Variants in DAB1 observed in about 807,000 individuals in gnomAD.
DAB1 encodes disabled homolog 1.
In DAB1, 15 loss-of-function variants were observed where a neutral mutation model predicts 64.6. That is an observed-to-expected ratio of 0.23 (90% CI 0.16 to 0.36). The LOEUF (loss-of-function observed/expected upper bound fraction) is 0.36, where lower values mean the gene tolerates loss of function less well. Ranked by LOEUF, DAB1 falls within the 10% of genes least tolerant of loss-of-function variation. The pLI, the probability that DAB1 is intolerant of heterozygous loss-of-function variation, is 1.00. For missense variants in DAB1, 596 were observed against 706.7 expected, an observed-to-expected ratio of 0.84 and a Z score of 1.78; for synonymous variants, 235 against 251.9, an observed-to-expected ratio of 0.93 and a Z score of 0.64.
At chr1:57,384,162 T>C (rs975373023) in intron 1 of DAB1, among the ~76,000 whole-genome samples, 5 of 152,058 alleles carry the variant, frequency 3.3e-5, no homozygotes, top group Non-Finnish European at 5.9e-5. Context: ...CACCAATCAT[T>C]AGGAAAATGC....
At chr1:57,107,607 C>T (rs932876689) in intron 4 of DAB1, among the ~76,000 whole-genome samples, 3 of 151,904 alleles carry the variant, frequency 2.0e-5, no homozygotes, top group African/African-American at 7.3e-5. Context: ...TCAGTCCAGA[C>T]CAGAACTGAG....
intron 5 of DAB1, among the ~76,000 whole-genome samples, chr1:57,965,556 T>G (rs1645644085): frequency 6.6e-6 from 1 of 152,164 alleles, no homozygotes; most frequent in Admixed American, 6.6e-5. Context: ...AGGTTATTGA[T>G]TATGATTTCC....
chr1:56,998,880 G>A (rs1486114367), intron 14 of DAB1, among the ~76,000 whole-genome samples: 1 of 152,138 alleles, frequency 6.6e-6, no homozygotes, highest in Non-Finnish European at 1.5e-5. Flanking sequence ...AGGAAACAGC[G>A]TTCGGCCCTA....
At chr1:58,099,006 A>T (rs1216466069) in intron 5 of DAB1, among the ~76,000 whole-genome samples, 1 of 152,192 alleles carries the variant, frequency 6.6e-6, no homozygotes, top group East Asian at 1.9e-4. Flanking sequence ...GGGCAAATGG[A>T]AGAGATCCAG....
chr1:57,084,789 T>C (rs1256037178), intron 4 of DAB1, among the ~76,000 whole-genome samples: 1 of 152,116 alleles, frequency 6.6e-6, no homozygotes, highest in Admixed American at 6.5e-5. Context: ...TGTAGTGCAG[T>C]GCCATGCAAT....
rs142041044 is a variant in DAB1 at position 57,038,221 on chromosome 1, T to C, written c.724-12178A>G. Among the ~76,000 whole-genome samples, 366 of 152,362 alleles carry C rather than the reference T, an allele frequency of 2.4e-3. 1 individual carries two copies. The highest frequency in any genetic ancestry group is 6.8e-3 in the Middle Eastern group (2 of 294). On this transcript the variant is annotated intron_variant, in intron 9 of 14. Transcript: ENST00000371236. ...TGACTGGAAGATGTCTGTGGGAGAATTGATTTTTTTGCTATGTCTAGACAG... is the reference window on the plus strand; with the variant it reads ...TGACTGGAAGATGTCTGTGGGAGAACTGATTTTTTTGCTATGTCTAGACAG...
chr1:57,189,818 G>T (rs966925777), intron 2 of DAB1, among the ~76,000 whole-genome samples: 1 of 148,314 alleles, frequency 6.7e-6, no homozygotes, highest in Admixed American at 6.8e-5. Flanking sequence ...GCCAACATTT[G>T]TTGGCAGACA....
intron 6 of DAB1, among the ~76,000 whole-genome samples, chr1:57,663,632 A>AT (rs199946881): frequency 8.6e-4 from 128 of 148,358 alleles, no homozygotes; most frequent in African/African-American, 1.9e-3. Flanking sequence ...ATATTTTCTT[A>AT]TTTTTTTTTT....
chr1:58,086,411 T>C (rs1650319040), intron 5 of DAB1, among the ~76,000 whole-genome samples: 2 of 152,168 alleles, frequency 1.3e-5, no homozygotes, highest in South Asian at 4.1e-4. Context: ...ATAGCTGGAA[T>C]GATTTAAAGC....
At chr1:58,005,930 G>C (rs1357320589) in intron 5 of DAB1, among the ~76,000 whole-genome samples, 1 of 152,154 alleles carries the variant, frequency 6.6e-6, no homozygotes, top group South Asian at 2.1e-4. Context: ...GAGAGGTTAA[G>C]AGACCCGCCC....
chr1:58,544,171 C>A (rs192411139), intron 1 of DAB1, among the ~76,000 whole-genome samples: 2 of 152,306 alleles, frequency 1.3e-5, no homozygotes, highest in African/African-American at 4.8e-5. Flanking sequence ...TGAAATTTAT[C>A]AATTTTTAAA....
At chr1:57,680,698 TG>T (rs1646625994) in intron 6 of DAB1, among the ~76,000 whole-genome samples, 1 of 152,214 alleles carries the variant, frequency 6.6e-6, no homozygotes, top group South Asian at 2.1e-4. Flanking sequence ...GGTCAGCTGT[TG>T]GGATTCTTCA....
chr1:57,361,568 G>GT (rs1236810998), intron 1 of DAB1, among the ~76,000 whole-genome samples: 3 of 151,862 alleles, frequency 2.0e-5, no homozygotes, highest in African/African-American at 7.3e-5. Flanking sequence ...CCATTGTCGG[G>GT]TTTGCCATGA....
At chr1:57,337,859 T>G (rs1412295357) in intron 1 of DAB1, among the ~76,000 whole-genome samples, 1 of 143,730 alleles carries the variant, frequency 7.0e-6, no homozygotes. Context: ...CCCTTTCCCT[T>G]TCCCTTCCCT....
chr1:58,067,948 T>G (rs1290149045), intron 5 of DAB1, among the ~76,000 whole-genome samples: 5 of 152,238 alleles, frequency 3.3e-5, no homozygotes, highest in Non-Finnish European at 7.3e-5. Context: ...TCAACAAATT[T>G]TATATACTAT....
chr1:58,082,055 G>GA (rs1292338568), intron 5 of DAB1, among the ~76,000 whole-genome samples: 1 of 152,158 alleles, frequency 6.6e-6, no homozygotes, highest in Non-Finnish European at 1.5e-5. Context: ...TTTTTTCAGA[G>GA]AAAGTAAGAG....
At chr1:58,452,583 G>T (rs966503893) in intron 3 of DAB1, among the ~76,000 whole-genome samples, 1 of 151,324 alleles carries the variant, frequency 6.6e-6, no homozygotes, top group African/African-American at 2.4e-5. Flanking sequence ...GCCAAGGCAG[G>T]CGGATCACCT....
intron 1 of DAB1, among the ~76,000 whole-genome samples, chr1:57,350,792 G>A (rs927893483): frequency 6.6e-6 from 1 of 152,246 alleles, no homozygotes; most frequent in African/African-American, 2.4e-5. Flanking sequence ...AAGATAAAAT[G>A]AATGTCTGCT....
At chr1:58,451,047 C>A (rs1157010079) in intron 3 of DAB1, among the ~76,000 whole-genome samples, 1 of 152,074 alleles carries the variant, frequency 6.6e-6, no homozygotes, top group Non-Finnish European at 1.5e-5. Flanking sequence ...CAGAGGAGAC[C>A]AAGGAGACAC....
Sources: gnomAD v4.1 joint callset for allele counts (sites outside exome capture counted in the v4.1 genomes callset) on GRCh38, gnomAD v4.1.1 for gene constraint, MANE v1.5 for transcripts, NCBI Gene and HGNC (gene_info 2026-07-23, HGNC 2026-07-21) for gene names.